Variants in CNTNAP5 observed in about 807,000 individuals in gnomAD.
The protein encoded by CNTNAP5 is contactin associated protein family member 5, also known as contactin-associated protein-like 5.
A neutral mutation model predicts 150.2 loss-of-function variants in CNTNAP5; 72 were observed. The ratio of observed to expected loss-of-function variants is 0.48; its 90% CI spans 0.40 to 0.58. The LOEUF is 0.58. CNTNAP5 is among the 20% of genes least tolerant of loss of function. The probability of loss-of-function intolerance (pLI) is 0.00; values close to 1 mark genes in which losing one functional copy is unlikely to be tolerated. For missense variants in CNTNAP5, 1,636 were observed against 1,626.2 expected (o/e 1.01, Z -0.10); for synonymous variants, 672 against 619.8 (o/e 1.08, Z -1.25).
chr2:124,396,711 A>C (rs1029883581), intron 3 of CNTNAP5, among the ~76,000 whole-genome samples: 7 of 152,298 alleles, frequency 4.6e-5, no homozygotes, highest in Non-Finnish European at 8.8e-5. Context: ...AACTCACTGA[A>C]TTTCTTAGTT....
chr2:124,146,092 A>G (rs553919669), intron 1 of CNTNAP5, among the ~76,000 whole-genome samples: 30 of 152,262 alleles, frequency 2.0e-4, no homozygotes, highest in Middle Eastern at 3.4e-3. Flanking sequence ...CATACCTGCT[A>G]ACAAAGAGAA....
chr2:124,196,976 T>A (rs1004491425), intron 1 of CNTNAP5, among the ~76,000 whole-genome samples: 11 of 152,216 alleles, frequency 7.2e-5, no homozygotes, highest in Admixed American at 5.9e-4. Flanking sequence ...ATAAATATAG[T>A]AGCATGCATC....
At chr2:124,259,388 G>A (rs879599826) in intron 3 of CNTNAP5, among the ~76,000 whole-genome samples, 7 of 152,160 alleles carry the variant, frequency 4.6e-5, no homozygotes, top group Non-Finnish European at 7.3e-5. Flanking sequence ...TGGGATGGCT[G>A]TGTCAAATGG....
rs540235303 is a variant in CNTNAP5, at chr2:124,435,534, C to T, written c.733+847C>T. The stretch of plus-strand genomic sequence containing the variant: ...TAAGCTGAAAAAAAAAGTAAATGGC[C>T]GTTTTTCATAAGAATGACTCCCTGC... On this transcript the variant is annotated intron_variant, in intron 5 of 23. Transcript: ENST00000682447. 7.2e-5 allele frequency among the ~76,000 whole-genome samples: 11 copies of T among 151,976 alleles called. No homozygotes were observed. In the South Asian group the frequency reaches 1.7e-3, roughly 23 times the overall value.
chr2:124,171,997 T>A lies in CNTNAP5; in HGVS notation c.83-49708T>A, dbSNP rs146377430. Among the ~76,000 whole-genome samples, 74 of 152,334 alleles carry A rather than the reference T, an allele frequency of 4.9e-4. No homozygotes were observed. The East Asian group carries it at 0.014, about 29-fold the overall frequency. ...TGATTTAGGAATTAAGGCTTTAACA[T>A]TTCTATTTACTTTTCTCTGTCAGTA... On this transcript the variant is annotated intron_variant, in intron 1 of 23. Transcript: ENST00000682447.
intron 13 of CNTNAP5, among the ~76,000 whole-genome samples, chr2:124,679,654 C>T (rs866162402): frequency 7.9e-5 from 12 of 151,466 alleles, no homozygotes; most frequent in Non-Finnish European, 1.5e-4. Context: ...CTGCAGCCTC[C>T]GGCTCCCTGG....
intron 7 of CNTNAP5, among the ~76,000 whole-genome samples, chr2:124,493,963 AATACAC>A (rs763552924): frequency 3.5e-5 from 2 of 56,788 alleles, no homozygotes; most frequent in Non-Finnish European, 8.3e-5. Context: ...GAAAACCATA[AATACAC>A]ACACACACAC....
At chr2:124,336,635 T>C (rs1389242223) in intron 3 of CNTNAP5, among the ~76,000 whole-genome samples, 5 of 150,582 alleles carry the variant, frequency 3.3e-5, no homozygotes, top group Non-Finnish European at 7.4e-5. Context: ...TTTGGTTTTT[T>C]GTCCTTGCGA....
At chr2:124,257,958 C>T (rs920365994) in intron 3 of CNTNAP5, among the ~76,000 whole-genome samples, 3 of 152,286 alleles carry the variant, frequency 2.0e-5, no homozygotes, top group East Asian at 1.9e-4. Context: ...ATAAATTTGA[C>T]TTGAAAGCCA....
chr2:124,609,928 T>C lies in CNTNAP5; in HGVS notation c.1876+8T>C. ...TGTACTGCAATATCACTGGTAAGGG[T>C]GCAGTAGCCCTACTCACACTTAACC... is the stretch of plus-strand genomic sequence containing the variant. On this transcript the variant is annotated splice_region_variant and intron_variant, in intron 12 of 23. Coordinates refer to ENST00000682447, the MANE Select transcript of CNTNAP5 (RefSeq NM_001367498.1). The C allele has an allele frequency of 6.2e-7, 1 of 1,611,296 alleles. No homozygotes were observed. The highest frequency in any genetic ancestry group is 8.5e-7 in the Non-Finnish European group (1 of 1,177,884).
intron 3 of CNTNAP5, among the ~76,000 whole-genome samples, chr2:124,322,315 C>T (rs1689121487): frequency 6.6e-6 from 1 of 152,044 alleles, no homozygotes; most frequent in Non-Finnish European, 1.5e-5. Context: ...TTTGTCAGGG[C>T]TTGGCACCTG....
intron 13 of CNTNAP5, among the ~76,000 whole-genome samples, chr2:124,674,683 C>G (rs1473784810): frequency 1.3e-5 from 2 of 151,304 alleles, no homozygotes; most frequent in Non-Finnish European, 2.9e-5. Flanking sequence ...GTATGTTCTG[C>G]TTTTGTTCTC....
chr2:124,630,192 G>A (rs977761333), intron 12 of CNTNAP5, among the ~76,000 whole-genome samples: 1 of 151,952 alleles, frequency 6.6e-6, no homozygotes, highest in African/African-American at 2.4e-5. Flanking sequence ...CCAAACAATT[G>A]AAAAGGAATG....
intron 1 of CNTNAP5, among the ~76,000 whole-genome samples, chr2:124,116,833 A>T (rs1049791529): frequency 2.0e-5 from 3 of 152,176 alleles, no homozygotes; most frequent in African/African-American, 7.2e-5. Context: ...CACCTTTCAG[A>T]GTGGCATGCA....
At chr2:124,043,199 C>T (rs1228357433) in intron 1 of CNTNAP5, among the ~76,000 whole-genome samples, 1 of 152,190 alleles carries the variant, frequency 6.6e-6, no homozygotes, top group Non-Finnish European at 1.5e-5. Flanking sequence ...GTAGTCCAGC[C>T]TACCCTGCAT....
At chr2:124,169,314 G>A (rs1015145556) in intron 1 of CNTNAP5, among the ~76,000 whole-genome samples, 2 of 151,984 alleles carry the variant, frequency 1.3e-5, no homozygotes, top group African/African-American at 4.8e-5. Context: ...GATGCTCTGC[G>A]CAGCTATCCA....
chr2:124,894,277 C>T (rs770243941), intron 21 of CNTNAP5, among the ~76,000 whole-genome samples: 6 of 147,550 alleles, frequency 4.1e-5, no homozygotes, highest in Non-Finnish European at 8.8e-5. Flanking sequence ...AACTTCACAA[C>T]TTATAATTCT....
chr2:124,287,160 T>TAACCTGTGCCAGGCACTGTGCCAGC (rs1322824211), intron 3 of CNTNAP5, among the ~76,000 whole-genome samples: 10 of 152,190 alleles, frequency 6.6e-5, no homozygotes, highest in Admixed American at 4.6e-4. Context: ...AATCGGGTGC[T>TAACCTGTGCCAGGCACTGTGCCAGC]TACCTGTGCC....
intron 18 of CNTNAP5, among the ~76,000 whole-genome samples, chr2:124,791,144 G>T (rs1026429993): frequency 2.6e-5 from 4 of 152,080 alleles, no homozygotes; most frequent in African/African-American, 7.2e-5. Context: ...CAAAGCAATG[G>T]TTTATTTAGT....
Sources: gnomAD v4.1 joint callset for allele counts (sites outside exome capture counted in the v4.1 genomes callset) on GRCh38, gnomAD v4.1.1 for gene constraint, MANE v1.5 for transcripts, NCBI Gene and HGNC (gene_info 2026-07-23, HGNC 2026-07-21) for gene names.